PLD5: variants seen among roughly 807,000 people sequenced by gnomAD.
The protein encoded by PLD5 is phospholipase D family member 5, also known as inactive phospholipase D5.
A neutral mutation model predicts 61.1 loss-of-function variants in PLD5; 36 were observed. The ratio of observed to expected loss-of-function variants is 0.59; its 90% CI spans 0.45 to 0.78. The LOEUF (loss-of-function observed/expected upper bound fraction) is 0.78. Ranked by LOEUF, PLD5 falls within the 30% of genes least tolerant of loss-of-function variation. PLD5 has a pLI of 0.00. For missense variants in PLD5, 515 were observed against 644.4 expected (o/e 0.80, Z 2.17); for synonymous variants, 243 against 242.8 (o/e 1.00, Z -0.01).
intron 5 of PLD5, among the ~76,000 whole-genome samples, chr1:242,155,802 G>A (rs1489182967): frequency 6.6e-6 from 1 of 152,178 alleles, no homozygotes; most frequent in Non-Finnish European, 1.5e-5. Context: ...AGTGCGATGA[G>A]GTGCTGAGAA....
At chr1:242,517,560 T>C (rs1229692826) in intron 1 of PLD5, among the ~76,000 whole-genome samples, 1 of 152,234 alleles carries the variant, frequency 6.6e-6, no homozygotes, top group East Asian at 1.9e-4. Context: ...ATTATCATTA[T>C]GTATGACAGT....
intron 1 of PLD5, among the ~76,000 whole-genome samples, chr1:242,364,492 G>A (rs1372787534): frequency 2.0e-5 from 3 of 152,078 alleles, no homozygotes; most frequent in South Asian, 2.1e-4. Flanking sequence ...CGGGGTGGGC[G>A]GATCACTTGA....
chr1:242,447,693 G>A (rs1425980446), intron 1 of PLD5, among the ~76,000 whole-genome samples: 3 of 152,274 alleles, frequency 2.0e-5, no homozygotes, highest in Middle Eastern at 3.4e-3. Flanking sequence ...GTCACTCTTA[G>A]TTCCCATCGC....
At chr1:242,416,265 A>G (rs1027690434) in intron 1 of PLD5, among the ~76,000 whole-genome samples, 2 of 152,160 alleles carry the variant, frequency 1.3e-5, no homozygotes, top group African/African-American at 4.8e-5. Context: ...GGTTGGCCAT[A>G]CATTGATAAA....
chr1:242,169,953 C>A (rs1223978357), intron 5 of PLD5, among the ~76,000 whole-genome samples: 1 of 152,210 alleles, frequency 6.6e-6, no homozygotes, highest in Non-Finnish European at 1.5e-5. Flanking sequence ...ATAGATAAAA[C>A]CCTCATCTCT....
intron 5 of PLD5, among the ~76,000 whole-genome samples, chr1:242,128,683 G>A (rs7543323): frequency 0.11 from 17,032 of 152,088 alleles, 1,124 homozygotes; most frequent in South Asian, 0.18. Flanking sequence ...AGGGTACCAG[G>A]ATGCCAACTC....
chr1:242,419,152 G>A (rs61148388), intron 1 of PLD5, among the ~76,000 whole-genome samples: 5,687 of 152,224 alleles, frequency 0.037, 380 homozygotes, highest in African/African-American at 0.13. Context: ...AGACCCTCAC[G>A]CCTCCAGGCG....
At chr1:242,249,540 T>C (rs889738103) in intron 4 of PLD5, among the ~76,000 whole-genome samples, 1 of 152,040 alleles carries the variant, frequency 6.6e-6, no homozygotes, top group Non-Finnish European at 1.5e-5. Context: ...AACCAGGGGG[T>C]AGTGAAACAT....
At chr1:242,440,717 C>G (rs1666233191) in intron 1 of PLD5, among the ~76,000 whole-genome samples, 1 of 152,234 alleles carries the variant, frequency 6.6e-6, no homozygotes. Flanking sequence ...TCTCTTCCTC[C>G]TCTTCCAGCC....
intron 3 of PLD5, among the ~76,000 whole-genome samples, chr1:242,282,706 C>T (rs989735641): frequency 3.3e-5 from 5 of 151,946 alleles, no homozygotes; most frequent in African/African-American, 1.2e-4. Context: ...GGTAGCTCTA[C>T]TAATGAGCCT....
intron 2 of PLD5, among the ~76,000 whole-genome samples, chr1:242,306,981 C>A (rs1330503890): frequency 7.2e-5 from 11 of 152,224 alleles, no homozygotes; most frequent in Admixed American, 3.3e-4. Flanking sequence ...TAGGCTAAGT[C>A]GCCATCTGCT....
intron 1 of PLD5, among the ~76,000 whole-genome samples, chr1:242,411,816 C>G (rs1664574245): frequency 6.6e-6 from 1 of 151,994 alleles, no homozygotes; most frequent in Admixed American, 6.6e-5. Context: ...GTGCCCCAAT[C>G]AATTAAGGTT....
intron 1 of PLD5, among the ~76,000 whole-genome samples, chr1:242,497,417 G>A (rs1395043431): frequency 1.3e-5 from 2 of 152,078 alleles, no homozygotes; most frequent in African/African-American, 4.8e-5. Context: ...CAATGCACCT[G>A]CCCAAAAAGA....
At chr1:242,468,504 A>C (rs1176009646) in intron 1 of PLD5, among the ~76,000 whole-genome samples, 1 of 152,202 alleles carries the variant, frequency 6.6e-6, no homozygotes, top group Non-Finnish European at 1.5e-5. Flanking sequence ...TTACTTCTTA[A>C]ATTACTGTGG....
rs1675197850 is a variant in PLD5 at position 242,289,044 on chromosome 1, T to C, written c.327-514A>G. ...TACTGATGCTTCCTAGCCTATGGTG[T>C]AAAGTGACACTGAGAAGAAAATTAT... On this transcript the variant is annotated intron_variant, in intron 2 of 9. Coordinates refer to ENST00000536534, the MANE Select transcript of PLD5 (RefSeq NM_001372062.1). 2.0e-5 allele frequency among the ~76,000 whole-genome samples: 3 copies of C among 152,196 alleles called. No homozygotes were observed. The South Asian group carries it at 6.2e-4, about 32-fold the overall frequency.
In PLD5 at chr1:242,524,230, C is replaced by T. The variant is rs753944361; in HGVS notation, c.47G>A (p.Gly16Asp). The T allele has an allele frequency of 3.9e-6, 6 of 1,527,256 alleles. No homozygotes were observed. In the South Asian group the frequency reaches 4.8e-5, roughly 12 times the overall value. The allele number at this position is 1,527,256 out of a possible 1,614,324, so 94.6% of individuals were successfully genotyped here. A position where few individuals can be genotyped will look rare whatever the true frequency, so the allele number is the denominator to read the frequency against. ...HEWLSASPHE[G>D]FEQMRLKSRP... The stretch of plus-strand genomic sequence containing the variant: ...GCTTTTGAGCCTCATCTGCTCGAAG[C>T]CCTCATGGGGGGAGGCCGAGAGCCA... The change falls in exon 1 of 10, where the codon GGC becomes GAC. Residue 16 changes from glycine to aspartate, a missense_variant. By Grantham distance (94) the Gly-to-Asp change is moderately conservative (BLOSUM62 -1). Coordinates refer to ENST00000536534, the MANE Select transcript of PLD5 (RefSeq NM_001372062.1).
At chr1:242,527,519 A>G (rs1398168389), upstream of PLD5, among the ~76,000 whole-genome samples, 10 of 152,212 alleles carry the variant, frequency 6.6e-5, no homozygotes, top group Admixed American at 5.2e-4. Context: ...TAATTCATAG[A>G]TCACATTTGT....
rs554158131 is a variant in PLD5 at position 242,127,186 on chromosome 1, C to T, written c.736-2521G>A. Among the ~76,000 whole-genome samples the T allele has an allele frequency of 4.7e-4, 71 of 152,236 alleles. 1 individual carries two copies. The South Asian group carries it at 0.013, about 29-fold the overall frequency. Reference sequence around the variant, plus strand: ...TGGCGTGGATGTGATGAACAGGGAACGCTTCTACACCGCTGGAGGGAATGT... The same window carrying T: ...TGGCGTGGATGTGATGAACAGGGAATGCTTCTACACCGCTGGAGGGAATGT... On this transcript the variant is annotated intron_variant, in intron 5 of 9. Transcript: ENST00000536534.
At chr1:242,455,177 T>C (rs1049095190) in intron 1 of PLD5, among the ~76,000 whole-genome samples, 1 of 152,212 alleles carries the variant, frequency 6.6e-6, no homozygotes, top group African/African-American at 2.4e-5. Flanking sequence ...GTGACTGTTA[T>C]GTTTATTCTC....
Sources: gnomAD v4.1 joint callset for allele counts (sites outside exome capture counted in the v4.1 genomes callset) on GRCh38, gnomAD v4.1.1 for gene constraint, MANE v1.5 for transcripts, NCBI Gene and HGNC (gene_info 2026-07-23, HGNC 2026-07-21) for gene names.